ACSL5: variants seen among roughly 807,000 people sequenced by gnomAD.
ACSL5 encodes the protein acyl-CoA synthetase long chain family member 5.
In ACSL5, 50 loss-of-function variants were observed where a neutral mutation model predicts 84.9. That is an observed-to-expected ratio of 0.59 (90% CI 0.47 to 0.75). The LOEUF is 0.75. ACSL5 is among the 30% of genes least tolerant of loss of function. The pLI is 0.00. For synonymous variants in ACSL5, 280 were observed against 300.7 expected (o/e 0.93, Z 0.71); for missense variants, 775 against 830.4 (o/e 0.93, Z 0.82).
intron 10 of ACSL5, 131 bp from the exon 11 acceptor site, chr10:112,411,771 G>T (rs1008780154): frequency 2.2e-6 from 2 of 907,024 alleles, no homozygotes; most frequent in Admixed American, 2.1e-5. Context: ...AGGCATCTCA[G>T]ATCTACACAG....
intron 1 of ACSL5, among the ~76,000 whole-genome samples, chr10:112,387,667 C>G (rs1849480215): frequency 6.6e-6 from 1 of 152,164 alleles, no homozygotes; most frequent in South Asian, 2.1e-4. Context: ...GACATAGTCT[C>G]TAGGAGAGAG....
rs772308441 is a variant in ACSL5 at position 112,410,267 on chromosome 10, T to A, written c.712-196T>A. 5.2e-6 allele frequency: 8 copies of A among 1,538,880 alleles called. No individual in the cohort carries two copies. The South Asian group carries it at 9.6e-5, about 19-fold the overall frequency. On this transcript the variant is annotated intron_variant, in intron 7 of 20. Transcript: ENST00000354655. ...AATCTACCCTCTATAGGTAGATGATTTTCTAGAGAAATCTTATGCTCTTCC... is the reference window on the plus strand; with the variant it reads ...AATCTACCCTCTATAGGTAGATGATATTCTAGAGAAATCTTATGCTCTTCC...
rs1212980689 is a variant in ACSL5 at position 112,427,245 on chromosome 10, C to T, written c.1939C>T (p.Pro647Ser). Reference protein sequence around the residue: ...QVKAIFLHPEPFSIENGLLTP... With the variant: ...QVKAIFLHPESFSIENGLLTP... ...CAAAGCCATTTTTCTTCATCCAGAG[C>T]CATTTTCCATTGAAAATGGGCTCTT... The change falls in exon 21 of 21, where the codon CCA becomes TCA. Residue 647 changes from proline (P) to serine (S), a missense_variant. By Grantham distance (74) the Pro-to-Ser change is moderately conservative (BLOSUM62 -1). Transcript: ENST00000354655. 6.2e-7 allele frequency: 1 copy of T among 1,613,248 alleles called. No individual in the cohort carries two copies.
rs1564736675 is a variant in ACSL5 at position 112,401,947 on chromosome 10, T to TC, written c.266-2564_266-2563insC. On this transcript the variant is annotated intron_variant, in intron 3 of 20. Transcript: ENST00000354655. ...TTCCTTCCTCCCACCTTCTCTTTCT[T>TC]TCTCTCTCTCTCTCTCTCTCTCCTT... Among the ~76,000 whole-genome samples, 275 of 140,470 alleles carry TC rather than the reference T, an allele frequency of 2.0e-3. 1 individual carries two copies. Among genetic ancestry groups the TC allele is most frequent in the Non-Finnish European group, 3.0e-3 (193 of 65,200 alleles). The allele number at this position is 140,470 out of a possible 152,430, so 92.2% of individuals were successfully genotyped here. A position where few individuals can be genotyped will look rare whatever the true frequency, so the allele number is the denominator to read the frequency against.
At chr10:112,413,075 G>T (rs530118514) in intron 11 of ACSL5, 98 bp from the exon 12 acceptor site, 16 of 1,350,560 alleles carry the variant, frequency 1.2e-5, no homozygotes, top group South Asian at 2.7e-5. Context: ...CACTGAAGGG[G>T]TTGTTTGCCT....
At chr10:112,408,346 C>A in intron 5 of ACSL5, 76 bp from the exon 6 acceptor site, 3 of 905,780 alleles carry the variant, frequency 3.3e-6, no homozygotes, top group Admixed American at 2.1e-5. Context: ...AACCAGACAG[C>A]ATTTGTTGGC....
At chr10:112,381,685 G>T (rs1197878787) in intron 1 of ACSL5, among the ~76,000 whole-genome samples, 1 of 132,454 alleles carries the variant, frequency 7.5e-6, no homozygotes, top group African/African-American at 2.7e-5. Flanking sequence ...AAAAAAAAAA[G>T]AGGCCGGGTG....
At chr10:112,398,523 A>G (rs1042874756) in intron 2 of ACSL5, among the ~76,000 whole-genome samples, 18 of 151,516 alleles carry the variant, frequency 1.2e-4, no homozygotes, top group South Asian at 4.2e-4. Context: ...TCCTGTCTCA[A>G]CCTCCCAAGT....
chr10:112,409,760 A>G, intron 7 of ACSL5, 75 bp downstream of exon 7: 1 of 1,462,414 alleles, frequency 6.8e-7, no homozygotes, highest in South Asian at 1.2e-5. Context: ...TACCTTCCCA[A>G]GAGGACAGTG....
chr10:112,422,770 C>T (rs1375504946), intron 17 of ACSL5, among the ~76,000 whole-genome samples: 3 of 148,568 alleles, frequency 2.0e-5, no homozygotes, highest in East Asian at 2.0e-4. Flanking sequence ...GCAGGAGAAT[C>T]GCTTGAACCC....
intron 1 of ACSL5, among the ~76,000 whole-genome samples, chr10:112,380,961 G>A (rs1282769853): frequency 3.3e-5 from 5 of 151,976 alleles, no homozygotes; most frequent in Non-Finnish European, 7.4e-5. Context: ...GTAAAGATGG[G>A]GTCCCACTAT....
chr10:112,405,216 T>C (rs1271409786), intron 5 of ACSL5, among the ~76,000 whole-genome samples: 1 of 152,204 alleles, frequency 6.6e-6, no homozygotes, highest in East Asian at 1.9e-4. Flanking sequence ...AGTCTGGCCA[T>C]AGCTATCTTT....
rs900059829 is a variant in ACSL5 at position 112,428,330 on chromosome 10, G to A, written c.*972G>A. ...ACCTTACCCACAGATAACACATGTT[G>A]TTTCTACTTGTAAATGTAAAGTCTT... is the stretch of plus-strand genomic sequence containing the variant. On this transcript the variant is annotated 3_prime_UTR_variant, in exon 21 of 21. Coordinates refer to ENST00000354655, the MANE Select transcript of ACSL5 (RefSeq NM_203379.2). 1.3e-5 allele frequency: 5 copies of A among 397,442 alleles called. No homozygotes were observed. Among genetic ancestry groups the A allele is most frequent in the Non-Finnish European group, 1.3e-5 (3 of 225,366 alleles). The allele number at this position is 397,442 out of a possible 1,614,324, so 24.6% of individuals were successfully genotyped here.
intron 1 of ACSL5, among the ~76,000 whole-genome samples, chr10:112,385,573 C>CT (rs1849433536): frequency 6.6e-6 from 1 of 152,202 alleles, no homozygotes; most frequent in South Asian, 2.1e-4. Flanking sequence ...TTCTTAAGAA[C>CT]TATAAGCAAA....
At chr10:112,400,484 A>G (rs1157392455) in intron 3 of ACSL5, among the ~76,000 whole-genome samples, 2 of 134,218 alleles carry the variant, frequency 1.5e-5, no homozygotes, top group Non-Finnish European at 3.0e-5. Flanking sequence ...ATCTTGGCTC[A>G]CGGCAACCTC....
Position 112,408,489 on chromosome 10 carries a change from G to C in ACSL5, c.500G>C (p.Gly167Ala). Residue 167 changes from glycine (G) to alanine (A), a missense_variant, in exon 6 of 21, where the codon GGA becomes GCA. By Grantham distance (60) the Gly-to-Ala change is moderately conservative. Coordinates refer to ENST00000354655, the MANE Select transcript of ACSL5 (RefSeq NM_203379.2). ...GCTGTACCTCTGTATGACACCTTGG[G>C]ACCAGAAGCCATCGTACATATTGTC... is the stretch of plus-strand genomic sequence containing the variant. ...MVAVPLYDTL[G>A]PEAIVHIVNK... 1 of 1,613,264 alleles carries C rather than the reference G, an allele frequency of 6.2e-7. No individual in the cohort carries two copies. Among genetic ancestry groups the C allele is most frequent in the Non-Finnish European group, 8.5e-7 (1 of 1,179,300 alleles).
At chr10:112,402,471 G>C (rs1301288019) in intron 3 of ACSL5, among the ~76,000 whole-genome samples, 1 of 152,168 alleles carries the variant, frequency 6.6e-6, no homozygotes, top group Admixed American at 6.5e-5. Context: ...CTCAATGTTA[G>C]ACCACCCAAG....
chr10:112,400,592 A>G (rs142962690), intron 3 of ACSL5, among the ~76,000 whole-genome samples: 1,728 of 151,812 alleles, frequency 0.011, 20 homozygotes, highest in African/African-American at 0.033. Flanking sequence ...TATTTTTAGT[A>G]GAGATGGGGT....
chr10:112,425,473 A>C lies in ACSL5; in HGVS notation c.1729A>C (p.Ser577Arg), dbSNP rs752072612. The C allele has an allele frequency of 1.6e-5, 26 of 1,609,036 alleles. No homozygotes were observed. The highest frequency in any genetic ancestry group is 2.2e-5 in the Non-Finnish European group (26 of 1,178,006). ...PVLQIFVHGE[S>R]LRSSLVGVVV... ...GTTACAAATTTTTGTACACGGGGAG[A>C]GCTTACGGGTAATATATCATTTTAA... Residue 577 changes from serine (S) to arginine (R), a missense_variant, in exon 18 of 21, where the codon AGC (serine) becomes CGC (arginine). Physicochemically the swap from Ser to Arg is moderately radical, Grantham distance 110 (BLOSUM62 -1). Coordinates refer to ENST00000354655, the MANE Select transcript of ACSL5 (RefSeq NM_203379.2).
Sources: allele counts gnomAD v4.1 joint callset (sites outside exome capture counted in the v4.1 genomes callset), GRCh38; gene constraint gnomAD v4.1.1; transcripts MANE v1.5; gene names NCBI Gene and HGNC (gene_info 2026-07-23, HGNC 2026-07-21).